UBE2E2: variants seen among roughly 807,000 people sequenced by gnomAD.
UBE2E2 encodes the protein ubiquitin conjugating enzyme E2 E2.
In UBE2E2, 6 loss-of-function variants were observed where a neutral mutation model predicts 24.7. The observed-to-expected ratio is 0.24, with a 90% CI of 0.13 to 0.48. The LOEUF is 0.48. UBE2E2 is among the 20% of genes least tolerant of loss of function. UBE2E2 has a pLI of 0.99. For synonymous variants in UBE2E2, 104 were observed against 83.6 expected (o/e 1.24, Z -1.33); for missense variants, 169 against 245.0 (o/e 0.69, Z 2.07).
chr3:23,498,044 T>G (rs1390321398), intron 3 of UBE2E2, among the ~76,000 whole-genome samples: 1 of 152,220 alleles, frequency 6.6e-6, no homozygotes. Context: ...TTTGATGATA[T>G]TGAGCATTTT....
intron 5 of UBE2E2, among the ~76,000 whole-genome samples, chr3:23,557,657 T>C (rs1272153960): frequency 6.6e-6 from 1 of 152,180 alleles, no homozygotes; most frequent in Non-Finnish European, 1.5e-5. Flanking sequence ...TTATTTTTTC[T>C]CGTCAACCAA....
chr3:23,477,600 T>A (rs990650055), intron 3 of UBE2E2, among the ~76,000 whole-genome samples: 1 of 152,244 alleles, frequency 6.6e-6, no homozygotes, highest in African/African-American at 2.4e-5. Flanking sequence ...ATATATTTGT[T>A]GAATATATGA....
chr3:23,249,275 A>C (rs1228591963), intron 3 of UBE2E2, among the ~76,000 whole-genome samples: 1 of 151,766 alleles, frequency 6.6e-6, no homozygotes, highest in East Asian at 1.9e-4. Context: ...CTGTCTCAAA[A>C]AAAAAAAAAA....
rs967031096 is a variant in UBE2E2 at position 23,346,724 on chromosome 3, T to C, written c.227+129412T>C. On this transcript the variant is annotated intron_variant, in intron 3 of 5. Transcript: ENST00000396703. ...GAAAAATGTAGACTTTTCCTTTCTTTTCGGTATGTTCCTTTTACTTTTCTA... is the reference window on the plus strand; with the variant it reads ...GAAAAATGTAGACTTTTCCTTTCTTCTCGGTATGTTCCTTTTACTTTTCTA... Among the ~76,000 whole-genome samples the C allele has an allele frequency of 2.0e-5, 3 of 152,226 alleles. No individual in the cohort carries two copies. The East Asian group carries it at 5.8e-4, about 29-fold the overall frequency.
At chr3:23,464,416 A>G (rs1433844856) in intron 3 of UBE2E2, among the ~76,000 whole-genome samples, 1 of 152,126 alleles carries the variant, frequency 6.6e-6, no homozygotes, top group East Asian at 1.9e-4. Context: ...AATATCAACC[A>G]TTGACATAAT....
chr3:23,506,234 A>G (rs992806522), intron 4 of UBE2E2, among the ~76,000 whole-genome samples: 3 of 152,198 alleles, frequency 2.0e-5, no homozygotes, highest in Non-Finnish European at 4.4e-5. Flanking sequence ...AAGCTTGGCC[A>G]TGGGTCAAGT....
intron 5 of UBE2E2, among the ~76,000 whole-genome samples, chr3:23,576,729 G>T (rs1696355761): frequency 6.6e-6 from 1 of 152,176 alleles, no homozygotes; most frequent in African/African-American, 2.4e-5. Context: ...AGACAGTCCT[G>T]TGAGGGGAGA....
At chr3:23,231,671 C>T (rs1696977221) in intron 3 of UBE2E2, among the ~76,000 whole-genome samples, 1 of 152,140 alleles carries the variant, frequency 6.6e-6, no homozygotes, top group Admixed American at 6.5e-5. Flanking sequence ...TATCCTTCTT[C>T]CTACCAGTCA....
chr3:23,359,244 C>T (rs1390148578), intron 3 of UBE2E2, among the ~76,000 whole-genome samples: 4 of 152,128 alleles, frequency 2.6e-5, no homozygotes, highest in Non-Finnish European at 4.4e-5. Flanking sequence ...AGGGGAATGG[C>T]AGAGTGCTGG....
chr3:23,294,019 G>C (rs1220182095), intron 3 of UBE2E2, among the ~76,000 whole-genome samples: 1 of 152,152 alleles, frequency 6.6e-6, no homozygotes, highest in Non-Finnish European at 1.5e-5. Context: ...TTGAGAAATA[G>C]TTCTTAGGCA....
chr3:23,301,300 C>G (rs914657893), intron 3 of UBE2E2, among the ~76,000 whole-genome samples: 11 of 152,228 alleles, frequency 7.2e-5, no homozygotes, highest in Admixed American at 4.6e-4. Flanking sequence ...AGTCATTCTC[C>G]GTCCAGCTTT....
At chr3:23,402,994 G>A (rs1276338173) in intron 3 of UBE2E2, among the ~76,000 whole-genome samples, 4 of 152,168 alleles carry the variant, frequency 2.6e-5, no homozygotes, top group African/African-American at 4.8e-5. Flanking sequence ...GGAGTACATG[G>A]CAGCCTCAGG....
Position 23,372,631 on chromosome 3 carries a change from A to C in UBE2E2, c.228-126977A>C, listed in dbSNP as rs569517142. 2.0e-5 allele frequency among the ~76,000 whole-genome samples: 3 copies of C among 152,338 alleles called. No homozygotes were observed. In the South Asian group the frequency reaches 6.2e-4, roughly 32 times the overall value. The stretch of plus-strand genomic sequence containing the variant: ...AAGACTGTAGTACAGATAAGCATAC[A>C]ATAGAAGCACATTTAAAGATAATGT... On this transcript the variant is annotated intron_variant, in intron 3 of 5. Coordinates refer to ENST00000396703, the MANE Select transcript of UBE2E2 (RefSeq NM_152653.4).
rs1489681428 is a variant in UBE2E2, at chr3:23,583,865, G to C, written c.509-5869G>C. 3.3e-5 allele frequency among the ~76,000 whole-genome samples: 5 copies of C among 152,124 alleles called. No individual in the cohort carries two copies. The highest frequency in any genetic ancestry group is 5.9e-5 in the Non-Finnish European group (4 of 68,024). On this transcript the variant is annotated intron_variant, in intron 5 of 5. Coordinates refer to ENST00000396703, the MANE Select transcript of UBE2E2 (RefSeq NM_152653.4). The surrounding 1 kb of genome is among the most constrained non-coding windows in gnomAD (Gnocchi z 4.1). The stretch of plus-strand genomic sequence containing the variant: ...ATAGAATCATATCGTCTACAAACAG[G>C]GATAGTTTGACTTCCTCCCTTCCTA...
intron 5 of UBE2E2, among the ~76,000 whole-genome samples, chr3:23,580,916 A>G (rs1005174288): frequency 6.6e-6 from 1 of 152,120 alleles, no homozygotes; most frequent in African/African-American, 2.4e-5. Context: ...CAAACTTTAC[A>G]AAATATCTTA....
Position 23,354,128 on chromosome 3 carries a change from C to T in UBE2E2, c.227+136816C>T, listed in dbSNP as rs371109476. 2.0e-5 allele frequency among the ~76,000 whole-genome samples: 3 copies of T among 152,008 alleles called. No homozygotes were observed. In the East Asian group the frequency reaches 5.8e-4, roughly 29 times the overall value. On this transcript the variant is annotated intron_variant, in intron 3 of 5. Coordinates refer to ENST00000396703, the MANE Select transcript of UBE2E2 (RefSeq NM_152653.4). ...CTTTGACAAACCTGAGAAAAGCAAG[C>T]AATGGGGAAAGGATTCCCTATTTAA...
At chr3:23,356,935 A>T (rs1209645421) in intron 3 of UBE2E2, among the ~76,000 whole-genome samples, 12 of 152,240 alleles carry the variant, frequency 7.9e-5, no homozygotes, top group African/African-American at 2.9e-4. Context: ...TCACACAGAT[A>T]CACTGTGTAA....
chr3:23,237,868 T>A (rs1697156631), intron 3 of UBE2E2, among the ~76,000 whole-genome samples: 1 of 152,160 alleles, frequency 6.6e-6, no homozygotes, highest in Non-Finnish European at 1.5e-5. Flanking sequence ...TCTTAATTCA[T>A]TTGTTAATAT....
intron 3 of UBE2E2, among the ~76,000 whole-genome samples, chr3:23,421,166 T>C (rs1697787800): frequency 6.6e-6 from 1 of 152,232 alleles, no homozygotes; most frequent in South Asian, 2.1e-4. Context: ...GAAGGTCAGC[T>C]AAATATATCA....
Sources: allele counts gnomAD v4.1 joint callset (sites outside exome capture counted in the v4.1 genomes callset), GRCh38; gene constraint gnomAD v4.1.1; non-coding constraint Gnocchi (gnomAD v3.1); transcripts MANE v1.5; gene names NCBI Gene and HGNC (gene_info 2026-07-23, HGNC 2026-07-21).